The following MSRA variants were observed in gnomAD, a reference collection of about 807,000 sequenced individuals.
MSRA encodes the protein mitochondrial peptide methionine sulfoxide reductase.
A neutral mutation model predicts 31.3 loss-of-function variants in MSRA; 54 were observed. The observed-to-expected ratio is 1.73, with a 90% CI of 1.39 to 2.17. The LOEUF is 2.17. MSRA is among the 30% of genes most tolerant of loss of function. The pLI is 0.00. For missense variants in MSRA, 507 were observed against 300.9 expected, an observed-to-expected ratio of 1.69 and a Z score of -5.07; for synonymous variants, 169 against 116.5, an observed-to-expected ratio of 1.45 and a Z score of -2.90.
At chr8:10,358,908 A>T (rs374128796) in intron 5 of MSRA, among the ~76,000 whole-genome samples, 1 of 152,180 alleles carries the variant, frequency 6.6e-6, no homozygotes, top group South Asian at 2.1e-4. Context: ...AGGAGCAGGA[A>T]CCCTATTGTG....
At chr8:10,329,775 C>T (rs1802584310) in intron 5 of MSRA, among the ~76,000 whole-genome samples, 2 of 150,972 alleles carry the variant, frequency 1.3e-5, no homozygotes, top group South Asian at 4.2e-4. Context: ...AACCCCAGAA[C>T]ACACTCAGGT....
chr8:10,214,948 G>C (rs1809858122), intron 2 of MSRA, among the ~76,000 whole-genome samples: 1 of 152,206 alleles, frequency 6.6e-6, no homozygotes, highest in South Asian at 2.1e-4. Context: ...ATCTCTTTTG[G>C]TTTGGAAAGC....
At chr8:10,079,798 G>A (rs1345425237) in intron 1 of MSRA, among the ~76,000 whole-genome samples, 1 of 152,154 alleles carries the variant, frequency 6.6e-6, no homozygotes, top group Non-Finnish European at 1.5e-5. Context: ...AAGCCACTGT[G>A]GCCCCTGAGA....
chr8:10,187,829 T>G (rs1364728117), intron 1 of MSRA, among the ~76,000 whole-genome samples: 1 of 152,260 alleles, frequency 6.6e-6, no homozygotes, highest in Non-Finnish European at 1.5e-5. Flanking sequence ...GTAGTTCTGT[T>G]GTATAACAGA....
intron 3 of MSRA, among the ~76,000 whole-genome samples, chr8:10,300,219 G>A (rs1489657657): frequency 6.6e-6 from 1 of 151,908 alleles, no homozygotes; most frequent in Non-Finnish European, 1.5e-5. Context: ...TAGTGCTTAT[G>A]TGGCAGTAGT....
intron 1 of MSRA, among the ~76,000 whole-genome samples, chr8:10,188,011 A>G (rs546832631): frequency 1.3e-5 from 2 of 152,340 alleles, no homozygotes; most frequent in South Asian, 4.1e-4. Context: ...TCACCTTTTA[A>G]ACAATTAGGG....
At chr8:10,061,655 A>G (rs1481296535) in intron 1 of MSRA, among the ~76,000 whole-genome samples, 1 of 152,070 alleles carries the variant, frequency 6.6e-6, no homozygotes, top group Non-Finnish European at 1.5e-5. Context: ...TGGGAAGAAT[A>G]TGGTTAATGC....
chr8:10,396,846 G>T (rs1807127262), intron 5 of MSRA, among the ~76,000 whole-genome samples: 1 of 152,202 alleles, frequency 6.6e-6, no homozygotes, highest in Non-Finnish European at 1.5e-5. Context: ...CGCGAGATCT[G>T]TTGAGTAAAG....
At chr8:10,095,917 T>A (rs1286571465) in intron 1 of MSRA, 1 of 1,337,680 alleles carries the variant, frequency 7.5e-7, no homozygotes. Flanking sequence ...AGGATTAATA[T>A]AGAAGATGGC....
intron 5 of MSRA, among the ~76,000 whole-genome samples, chr8:10,390,146 G>A (rs546460484): frequency 6.6e-6 from 1 of 152,340 alleles, no homozygotes; most frequent in South Asian, 2.1e-4. Flanking sequence ...TGGTGATCCA[G>A]GCTGTGCCAG....
chr8:10,245,147 G>A lies in MSRA; in HGVS notation c.255G>A (p.Leu85=), dbSNP rs552897134. Residue 85 remains leucine, a synonymous_variant, in exon 3 of 6, where the codon TTG becomes TTA. Coordinates refer to ENST00000317173, the MANE Select transcript of MSRA (RefSeq NM_012331.5). ...FWGAERKFWV[L]KGVYSTQVGF... ...GAGCTGAAAGGAAATTCTGGGTCTT[G>A]AAAGGAGTGTATTCAACTCAAGTTG... 1 of 1,613,574 alleles carries A rather than the reference G, an allele frequency of 6.2e-7. No individual in the cohort carries two copies. Among genetic ancestry groups the A allele is most frequent in the South Asian group, 1.1e-5 (1 of 91,040 alleles).
intron 5 of MSRA, among the ~76,000 whole-genome samples, chr8:10,391,701 T>TA (rs1465354550): frequency 6.6e-6 from 1 of 152,176 alleles, no homozygotes; most frequent in East Asian, 1.9e-4. Context: ...CGAGCACGCC[T>TA]AACAGCTCTG....
intron 1 of MSRA, among the ~76,000 whole-genome samples, chr8:10,149,630 T>G (rs1433712961): frequency 3.3e-5 from 5 of 152,052 alleles, no homozygotes; most frequent in Non-Finnish European, 5.9e-5. Context: ...TTCACTGTAT[T>G]AATTGTGTGT....
chr8:10,329,770 C>G (rs913683285), intron 5 of MSRA, among the ~76,000 whole-genome samples: 1 of 150,930 alleles, frequency 6.6e-6, no homozygotes, highest in Admixed American at 6.7e-5. Flanking sequence ...CCCTGAACCC[C>G]AGAACACACT....
chr8:10,215,777 A>G (rs1458549650), intron 2 of MSRA, among the ~76,000 whole-genome samples: 3 of 152,174 alleles, frequency 2.0e-5, no homozygotes, highest in Non-Finnish European at 4.4e-5. Flanking sequence ...CTGTAAAGCT[A>G]ATCAGATGTG....
chr8:10,065,693 A>G (rs1285764475), intron 1 of MSRA, among the ~76,000 whole-genome samples: 2 of 152,270 alleles, frequency 1.3e-5, no homozygotes, highest in Non-Finnish European at 2.9e-5. Flanking sequence ...GATTTATGAA[A>G]GAGCTGAAGT....
intron 1 of MSRA, among the ~76,000 whole-genome samples, chr8:10,198,719 G>A (rs550239834): frequency 1.3e-5 from 2 of 152,282 alleles, no homozygotes; most frequent in South Asian, 2.1e-4. Context: ...TAACTACTGG[G>A]CTCAAATGTT....
At chr8:10,276,345 CA>C (rs1799321438) in intron 3 of MSRA, among the ~76,000 whole-genome samples, 1 of 152,166 alleles carries the variant, frequency 6.6e-6, no homozygotes, top group African/African-American at 2.4e-5. Context: ...GTAATTGTTA[CA>C]GGGCCCTTTC....
chr8:10,353,865 A>G (rs987124605), intron 5 of MSRA: 1 of 202,396 alleles, frequency 4.9e-6, no homozygotes, highest in Non-Finnish European at 1.0e-5. Flanking sequence ...GAAACTTTAC[A>G]TTTCAGAAAA....
Sources: allele counts gnomAD v4.1 joint callset (sites outside exome capture counted in the v4.1 genomes callset), GRCh38; gene constraint gnomAD v4.1.1; transcripts MANE v1.5; gene names NCBI Gene and HGNC (gene_info 2026-07-23, HGNC 2026-07-21).